The following DMRT3 variants were observed in gnomAD, a reference collection of about 807,000 sequenced individuals.
The protein encoded by DMRT3 is doublesex and mab-3 related transcription factor 3, also known as doublesex- and mab-3-related transcription factor 3.
A neutral mutation model predicts 34.9 loss-of-function variants in DMRT3; 29 were observed. That is an observed-to-expected ratio of 0.83 (90% CI 0.62 to 1.13). The LOEUF (loss-of-function observed/expected upper bound fraction) is 1.13. Among genes scored for constraint, DMRT3 ranks in the 50% most tolerant of loss-of-function variants. The pLI is 0.00. For missense variants in DMRT3, 772 were observed against 629.1 expected, an observed-to-expected ratio of 1.23 and a Z score of -2.43; for synonymous variants, 350 against 286.0, an observed-to-expected ratio of 1.22 and a Z score of -2.26.
intron 1 of DMRT3, among the ~76,000 whole-genome samples, chr9:982,631 C>G (rs930431695): frequency 6.6e-6 from 1 of 152,184 alleles, no homozygotes; most frequent in African/African-American, 2.4e-5. Context: ...TTCTTTGCTG[C>G]AGCCAGTCAG....
intron 1 of DMRT3, among the ~76,000 whole-genome samples, chr9:982,375 C>T (rs1820232567): frequency 6.6e-6 from 1 of 152,234 alleles, no homozygotes; most frequent in African/African-American, 2.4e-5. Flanking sequence ...GAACCTCTCT[C>T]CACCTCCAAA....
chr9:978,148 T>C (rs1407341432), intron 1 of DMRT3, among the ~76,000 whole-genome samples: 1 of 152,170 alleles, frequency 6.6e-6, no homozygotes, highest in African/African-American at 2.4e-5. Context: ...GCGCCCAGAA[T>C]TCACTCCTTT....
In DMRT3 at chr9:977,193, G is replaced by A. The variant is rs755191969; in HGVS notation, c.192G>A (p.Arg64=). The change falls in exon 1 of 2, where the codon CGG becomes CGA. Residue 64 remains arginine (R), a synonymous_variant. Transcript: ENST00000190165. ...TCEKCILIIE[R]QRVMAAQVAL... ...AGAAGTGCATCCTCATCATCGAGCG[G>A]CAGCGGGTCATGGCTGCGCAGGTGG... 1.4e-5 allele frequency: 22 copies of A among 1,610,046 alleles called. No homozygotes were observed. In the East Asian group the frequency reaches 4.2e-4, roughly 31 times the overall value.
At chr9:981,371 A>G (rs1321423998) in intron 1 of DMRT3, among the ~76,000 whole-genome samples, 3 of 152,108 alleles carry the variant, frequency 2.0e-5, no homozygotes, top group Non-Finnish European at 4.4e-5. Context: ...GTTGGCTAGG[A>G]AGAAAAGAAA....
chr9:985,543 C>T (rs78124414), intron 1 of DMRT3, among the ~76,000 whole-genome samples: 1,545 of 152,326 alleles, frequency 0.01, 16 homozygotes, highest in Non-Finnish European at 0.014. Flanking sequence ...TACACTTTAT[C>T]ACTGGGCTCA....
At chr9:984,319 A>C (rs1184516550) in intron 1 of DMRT3, among the ~76,000 whole-genome samples, 2 of 152,208 alleles carry the variant, frequency 1.3e-5, no homozygotes, top group African/African-American at 4.8e-5. Flanking sequence ...GAGTCCAGTG[A>C]CTTTTGAGCT....
intron 1 of DMRT3, among the ~76,000 whole-genome samples, chr9:980,608 A>ATC (rs1345629470): frequency 2.5e-5 from 1 of 39,282 alleles, no homozygotes; most frequent in Non-Finnish European, 7.2e-5. Context: ...GTGTGTATAT[A>ATC]TATATGTATA....
intron 1 of DMRT3, among the ~76,000 whole-genome samples, chr9:986,978 T>TA (rs1441716016): frequency 6.6e-6 from 1 of 152,128 alleles, no homozygotes; most frequent in Non-Finnish European, 1.5e-5. Context: ...TTCTCTTGCT[T>TA]AAAAAAATCT....
At position 991,196 on chromosome 9, in the gene DMRT3, G is replaced by A; in HGVS notation, c.*191G>A. 1 of 668,566 alleles carries A rather than the reference G, an allele frequency of 1.5e-6. No individual in the cohort carries two copies. The highest frequency in any genetic ancestry group is 1.8e-5 in the African/African-American group (1 of 55,318). 41.4% of individuals were successfully genotyped at this position (668,566 alleles called of 1,614,324 possible). On this transcript the variant is annotated 3_prime_UTR_variant, in exon 2 of 2. Transcript: ENST00000190165. ...GCACTTCACTGGAAAATGCCAAATA[G>A]CTCTGTTCTGTGGCTTTAGTGCTGA...
At position 990,111 on chromosome 9, in the gene DMRT3, T is replaced by C. The variant is rs1820334628; in HGVS notation, c.525T>C (p.Thr175=). The C allele has an allele frequency of 1.9e-6, 3 of 1,613,854 alleles. No homozygotes were observed. In the African/African-American group the frequency reaches 4.0e-5, roughly 22 times the overall value. The part of the protein sequence containing the change: ...DNTEVFSDKD[T]DQRSSPDVAK... Reference sequence around the variant, plus strand: ...CAGAGGTCTTCAGTGACAAAGACACTGACCAGAGGAGTTCCCCAGATGTGG... The same window carrying C: ...CAGAGGTCTTCAGTGACAAAGACACCGACCAGAGGAGTTCCCCAGATGTGG... The change falls in exon 2 of 2, where the codon ACT becomes ACC. Residue 175 remains threonine (T), a synonymous_variant. Transcript: ENST00000190165.
rs530815245 is a variant in DMRT3, at chr9:980,318, G to A, written c.454+2863G>A. Among the ~76,000 whole-genome samples the A allele has an allele frequency of 7.9e-5, 12 of 152,278 alleles. No homozygotes were observed. In the East Asian group the frequency reaches 2.1e-3, roughly 27 times the overall value. ...GAATGGGGTTATTTTATCTAATGGT[G>A]TAGTATGTTGAATATCCCTTTCAAT... On this transcript the variant is annotated intron_variant, in intron 1 of 1. Transcript: ENST00000190165.
At position 976,884 on chromosome 9, in the gene DMRT3, GGGACCA is replaced by G; in HGVS notation, c.-117_-112del. The stretch of plus-strand genomic sequence containing the variant: ...GAGCACACACGACCACCGGGGCTGC[GGGACCA>G]AGGGCCGCGTCGCCCGGAGGCCGCC... On this transcript the variant is annotated 5_prime_UTR_variant, in exon 1 of 2. Transcript: ENST00000190165. The surrounding 1 kb of genome is among the most constrained non-coding windows in gnomAD (Gnocchi z 4.5). 10 of 1,140,786 alleles carry G rather than the reference GGGACCA, an allele frequency of 8.8e-6. No homozygotes were observed. The highest frequency in any genetic ancestry group is 3.2e-4 in the Middle Eastern group (1 of 3,142). 70.7% of individuals were successfully genotyped at this position (1,140,786 alleles called of 1,614,324 possible).
At chr9:983,808 A>T (rs1205161734) in intron 1 of DMRT3, among the ~76,000 whole-genome samples, 1 of 152,180 alleles carries the variant, frequency 6.6e-6, no homozygotes, top group Admixed American at 6.5e-5. Context: ...TGTCTATAGC[A>T]ATATTCCCCC....
intron 1 of DMRT3, among the ~76,000 whole-genome samples, chr9:986,973 T>C (rs184034194): frequency 6.5e-4 from 99 of 152,250 alleles, no homozygotes; most frequent in African/African-American, 2.2e-3. Context: ...GTTGTTTCTC[T>C]TGCTTAAAAA....
intron 1 of DMRT3, among the ~76,000 whole-genome samples, chr9:987,322 T>C (rs1820298352): frequency 6.6e-6 from 1 of 152,250 alleles, no homozygotes; most frequent in South Asian, 2.1e-4. Flanking sequence ...TGTGTCTGGC[T>C]TATTTCACTT....
Position 990,485 on chromosome 9 carries a change from C to T in DMRT3, c.899C>T (p.Ala300Val), listed in dbSNP as rs962451589. 1.2e-6 allele frequency: 2 copies of T among 1,614,202 alleles called. No individual in the cohort carries two copies. Among genetic ancestry groups the T allele is most frequent in the Non-Finnish European group, 1.7e-6 (2 of 1,180,030 alleles). Reference sequence around the variant, plus strand: ...GTCACGGGAGCAGAGCGAACTTCCGCAGAACCTGAGAGTCTAGCGTTGCCC... The same window carrying T: ...GTCACGGGAGCAGAGCGAACTTCCGTAGAACCTGAGAGTCTAGCGTTGCCC... The part of the protein sequence containing the change: ...SSVTGAERTS[A>V]EPESLALPSN... Residue 300 changes from alanine to valine, a missense_variant, in exon 2 of 2, where the codon GCA (alanine) becomes GTA (valine). Transcript: ENST00000190165.
intron 1 of DMRT3, among the ~76,000 whole-genome samples, chr9:985,884 C>T (rs1312946115): frequency 6.6e-6 from 1 of 152,208 alleles, no homozygotes; most frequent in Admixed American, 6.5e-5. Flanking sequence ...GTTCTTTCAT[C>T]ATCTTTGTCT....
rs150818078 is a variant in DMRT3, at chr9:982,384, A to C, written c.454+4929A>C. On this transcript the variant is annotated intron_variant, in intron 1 of 1. Coordinates refer to ENST00000190165, the MANE Select transcript of DMRT3 (RefSeq NM_021240.4). The stretch of plus-strand genomic sequence containing the variant: ...GGGAAAGAACCTCTCTCCACCTCCA[A>C]ATCACTCCTTGGTGTTATAAATCTG... Among the ~76,000 whole-genome samples the C allele has an allele frequency of 3.5e-4, 54 of 152,262 alleles. 1 individual carries two copies. The East Asian group carries it at 9.5e-3, about 27-fold the overall frequency.
chr9:989,272 A>G (rs1820322225), intron 1 of DMRT3, among the ~76,000 whole-genome samples: 1 of 152,154 alleles, frequency 6.6e-6, no homozygotes, highest in African/African-American at 2.4e-5. Flanking sequence ...ATGGATAATA[A>G]TGCCCCCGTG....
Sources: allele counts gnomAD v4.1 joint callset (sites outside exome capture counted in the v4.1 genomes callset), GRCh38; gene constraint gnomAD v4.1.1; non-coding constraint Gnocchi (gnomAD v3.1); transcripts MANE v1.5; gene names NCBI Gene and HGNC (gene_info 2026-07-23, HGNC 2026-07-21).